PTPRQ: variants seen among roughly 807,000 people sequenced by gnomAD.
PTPRQ encodes the protein protein tyrosine phosphatase receptor type Q.
Under a neutral mutation model 246.0 loss-of-function variants are expected in PTPRQ, and 199 were observed. The observed-to-expected ratio is 0.81, with a 90% CI of 0.72 to 0.91. The LOEUF is 0.91. Ranked by LOEUF, PTPRQ falls within the 40% of genes least tolerant of loss-of-function variation. The probability of loss-of-function intolerance (pLI) is 0.00; values close to 1 mark genes in which losing one functional copy is unlikely to be tolerated. For missense variants in PTPRQ, 2,624 were observed against 2,528.4 expected (o/e 1.04, Z -0.81); for synonymous variants, 869 against 853.2 (o/e 1.02, Z -0.32).
chr12:80,497,732 C>A (rs1284170258), intron 14 of PTPRQ, among the ~76,000 whole-genome samples: 1 of 152,004 alleles, frequency 6.6e-6, no homozygotes, highest in Non-Finnish European at 1.5e-5. Flanking sequence ...GCCAATTCTA[C>A]AATGTATTTT....
chr12:80,456,319 G>GA (rs1011522093), intron 3 of PTPRQ, among the ~76,000 whole-genome samples: 14 of 151,564 alleles, frequency 9.2e-5, no homozygotes, highest in East Asian at 3.9e-4. Flanking sequence ...AATGAGAAAA[G>GA]AAAAAAAATT....
intron 17 of PTPRQ, among the ~76,000 whole-genome samples, chr12:80,513,560 A>C (rs1565756310): frequency 6.6e-6 from 1 of 152,020 alleles, no homozygotes; most frequent in Non-Finnish European, 1.5e-5. Context: ...GGGAAATGCA[A>C]CATTTAGGCG....
intron 39 of PTPRQ, among the ~76,000 whole-genome samples, chr12:80,665,331 A>G (rs1199912324): frequency 6.6e-6 from 1 of 151,962 alleles, no homozygotes; most frequent in African/African-American, 2.4e-5. Context: ...TCAAGATGAC[A>G]CTCAATATTG....
intron 25 of PTPRQ, among the ~76,000 whole-genome samples, chr12:80,579,852 CTT>C (rs1897381032): frequency 6.6e-6 from 1 of 152,026 alleles, no homozygotes; most frequent in African/African-American, 2.4e-5. Context: ...TATTCTTAAA[CTT>C]GGGAAGATTG....
intron 12 of PTPRQ, 73 bp downstream of exon 12, chr12:80,495,444 C>T: frequency 4.1e-6 from 6 of 1,454,012 alleles, no homozygotes; most frequent in Non-Finnish European, 5.4e-6. Context: ...ATATGCCCAT[C>T]TCCCTGTGCC....
intron 30 of PTPRQ, among the ~76,000 whole-genome samples, chr12:80,617,786 T>A (rs1335697174): frequency 6.6e-6 from 1 of 151,476 alleles, no homozygotes; most frequent in Non-Finnish European, 1.5e-5. Flanking sequence ...AATATTCAAT[T>A]GGTAGTAGTC....
intron 35 of PTPRQ, among the ~76,000 whole-genome samples, chr12:80,635,805 G>A (rs1002999967): frequency 2.6e-5 from 4 of 151,984 alleles, no homozygotes; most frequent in Non-Finnish European, 4.4e-5. Context: ...CTATTTTAAC[G>A]TTTGCATTTT....
chr12:80,660,935 T>G (rs1259006611), intron 39 of PTPRQ, among the ~76,000 whole-genome samples: 1 of 152,016 alleles, frequency 6.6e-6, no homozygotes, highest in Non-Finnish European at 1.5e-5. Context: ...AACTGCCTTC[T>G]CTGTGTGAGG....
chr12:80,450,339 T>A (rs1892713814), intron 3 of PTPRQ, among the ~76,000 whole-genome samples: 1 of 152,190 alleles, frequency 6.6e-6, no homozygotes, highest in South Asian at 2.1e-4. Flanking sequence ...ACAATTTGAC[T>A]TCCTCTTTTC....
intron 42 of PTPRQ, 88 bp downstream of exon 42, chr12:80,670,580 T>C: frequency 7.2e-7 from 1 of 1,394,712 alleles, no homozygotes; most frequent in Non-Finnish European, 9.3e-7. Context: ...AATGTTCATG[T>C]AAATTTCTTC....
At chr12:80,580,193 A>G (rs1338790728) in intron 25 of PTPRQ, among the ~76,000 whole-genome samples, 1 of 152,196 alleles carries the variant, frequency 6.6e-6, no homozygotes, top group Non-Finnish European at 1.5e-5. Context: ...TTAAACCTAT[A>G]ACAAATTCTT....
chr12:80,449,860 C>T (rs76686191), intron 3 of PTPRQ, among the ~76,000 whole-genome samples: 69,279 of 151,550 alleles, frequency 0.46, 18,745 homozygotes, highest in South Asian at 0.63. Flanking sequence ...GCGATGTGGG[C>T]TCTTTTTTGG....
chr12:80,453,414 T>G (rs1413593973), intron 3 of PTPRQ, among the ~76,000 whole-genome samples: 1 of 152,224 alleles, frequency 6.6e-6, no homozygotes, highest in Non-Finnish European at 1.5e-5. Flanking sequence ...GGTGAGGAAC[T>G]GCGTTCCTTT....
Position 80,521,164 on chromosome 12 carries a change from C to G in PTPRQ, c.2678+10721C>G, listed in dbSNP as rs547433186. On this transcript the variant is annotated intron_variant, in intron 17 of 44. Coordinates refer to ENST00000644991, the MANE Select transcript of PTPRQ (RefSeq NM_001145026.2). ...TTTGGCTGCATAAATGTCTTCTTTT[C>G]AGAAGTGTCTGTTCATATCCTTTGC... Among the ~76,000 whole-genome samples, 293 of 152,050 alleles carry G rather than the reference C, an allele frequency of 1.9e-3. 2 individuals carry two copies. Among genetic ancestry groups the G allele is most frequent in the African/African-American group, 6.8e-3 (283 of 41,466 alleles).
intron 7 of PTPRQ, among the ~76,000 whole-genome samples, chr12:80,469,924 A>G (rs1644946120): frequency 1.3e-5 from 2 of 152,220 alleles, no homozygotes; most frequent in South Asian, 4.1e-4. Context: ...TGCTTTCAGT[A>G]TGGTGGAACA....
intron 42 of PTPRQ, among the ~76,000 whole-genome samples, chr12:80,670,968 G>A (rs180899537): frequency 1.4e-4 from 21 of 152,140 alleles, no homozygotes; most frequent in Non-Finnish European, 2.2e-4. Context: ...TAGATTCTCT[G>A]TTATTCATCT....
chr12:80,546,627 A>G lies in PTPRQ; in HGVS notation c.3945A>G (p.Val1315=). The G allele has an allele frequency of 1.3e-6, 2 of 1,551,516 alleles. No homozygotes were observed. Residue 1315 remains valine (V), a synonymous_variant, in exon 24 of 45, where the codon GTA becomes GTG. Transcript: ENST00000644991. ...CAGTCAGCACCTACTCTATCCGTGT[A>G]TCTGCGTTCACCAAAGTTGGAAATG... ...LEPVSTYSIR[V]SAFTKVGNGN...
rs964507209 is a variant in PTPRQ, at chr12:80,496,346, T to C, written c.2087T>C (p.Ile696Thr). 1 of 1,550,802 alleles carries C rather than the reference T, an allele frequency of 6.4e-7. No individual in the cohort carries two copies. Among genetic ancestry groups the C allele is most frequent in the Non-Finnish European group, 8.7e-7 (1 of 1,146,476 alleles). ...CCACCCGAAAAGCCCAATGGGATCA[T>C]TATTGCTTATGAAGTGCTATATAAA... is the stretch of plus-strand genomic sequence containing the variant. ...WSPPEKPNGI[I>T]IAYEVLYKNI... is the part of the protein sequence containing the mutation. The change falls in exon 14 of 45, where the codon ATT becomes ACT. Residue 696 changes from isoleucine to threonine, a missense_variant. Transcript: ENST00000644991.
intron 25 of PTPRQ, among the ~76,000 whole-genome samples, chr12:80,558,124 T>TTTCTTTCTTTC (rs563723088): frequency 3.7e-5 from 3 of 80,942 alleles, no homozygotes; most frequent in African/African-American, 1.7e-4. Context: ...TCTTTCTTTC[T>TTTCTTTCTTTC]TTTCTTTTCT....
Sources: gnomAD v4.1 joint callset for allele counts (sites outside exome capture counted in the v4.1 genomes callset) on GRCh38, gnomAD v4.1.1 for gene constraint, MANE v1.5 for transcripts, NCBI Gene and HGNC (gene_info 2026-07-23, HGNC 2026-07-21) for gene names.